Variants in CAPZB observed in about 807,000 individuals in gnomAD.
The protein encoded by CAPZB is F-actin-capping protein subunit beta.
CAPZB carries 2 observed loss-of-function variants against 38.1 expected under a neutral mutation model. The ratio of observed to expected loss-of-function variants is 0.05; its 90% CI spans 0.02 to 0.17. The LOEUF is 0.17. Among genes scored for constraint, CAPZB ranks in the 10% least tolerant of loss-of-function variants. The pLI is 1.00. For synonymous variants in CAPZB, 107 were observed against 127.4 expected, an observed-to-expected ratio of 0.84 and a Z score of 1.08; for missense variants, 161 against 334.2, an observed-to-expected ratio of 0.48 and a Z score of 4.04.
intron 3 of CAPZB, 88 bp downstream of exon 3, chr1:19,385,417 G>A: frequency 1.3e-6 from 2 of 1,531,984 alleles, no homozygotes; most frequent in South Asian, 1.1e-5. Flanking sequence ...AGCTGCCCAA[G>A]TCCAAGGTCC....
intron 2 of CAPZB, among the ~76,000 whole-genome samples, chr1:19,386,961 T>C (rs1018053747): frequency 2.6e-5 from 4 of 152,242 alleles, no homozygotes; most frequent in African/African-American, 9.6e-5. Flanking sequence ...TCTTTCTCCA[T>C]GTGTATCTGC....
intron 2 of CAPZB, among the ~76,000 whole-genome samples, chr1:19,417,387 G>A (rs1424778313): frequency 6.6e-6 from 1 of 152,198 alleles, no homozygotes; most frequent in African/African-American, 2.4e-5. Context: ...TTCATGCTGA[G>A]TTTAGAGGAA....
chr1:19,465,220 A>C (rs1273360541), intron 1 of CAPZB, among the ~76,000 whole-genome samples: 2 of 152,158 alleles, frequency 1.3e-5, no homozygotes, highest in Non-Finnish European at 2.9e-5. Context: ...TGCCAGAGTT[A>C]AGAGGTGAGG....
Position 19,357,310 on chromosome 1 carries a change from G to T in CAPZB, c.471+112C>A. ...CTTTGAGGCATTTCTCAGAATTAGG[G>T]GTTCAGAGATCACAGCATCCCCCTA... On this transcript the variant is annotated intron_variant, in intron 5 of 8. Coordinates refer to ENST00000264202, the MANE Select transcript of CAPZB (RefSeq NM_004930.5). This position sits in a 1 kb window ranked among gnomAD's most constrained non-coding sequence, Gnocchi z 4.3. The T allele has an allele frequency of 1.1e-6, 1 of 930,846 alleles. No homozygotes were observed. Among genetic ancestry groups the T allele is most frequent in the South Asian group, 1.6e-5 (1 of 62,294 alleles). The allele number at this position is 930,846 out of a possible 1,614,324, so 57.7% of individuals were successfully genotyped here. A position where few individuals can be genotyped will look rare whatever the true frequency, so the allele number is the denominator to read the frequency against.
chr1:19,342,712 G>C (rs780498838), intron 8 of CAPZB: 2 of 1,338,236 alleles, frequency 1.5e-6, no homozygotes, highest in Non-Finnish European at 2.1e-6. Context: ...GGTGAGTCCT[G>C]TTTTAGTGGG....
At chr1:19,434,017 T>C (rs1211176576) in intron 1 of CAPZB, among the ~76,000 whole-genome samples, 1 of 152,214 alleles carries the variant, frequency 6.6e-6, no homozygotes, top group African/African-American at 2.4e-5. Flanking sequence ...AAATGTACAA[T>C]GCAACACTCT....
intron 2 of CAPZB, among the ~76,000 whole-genome samples, chr1:19,391,365 T>C (rs1403034919): frequency 6.6e-6 from 1 of 152,176 alleles, no homozygotes; most frequent in East Asian, 1.9e-4. Context: ...TTTTAAAAAA[T>C]GGCCAAATGA....
chr1:19,425,860 A>G (rs1278171949), intron 1 of CAPZB, among the ~76,000 whole-genome samples: 1 of 152,218 alleles, frequency 6.6e-6, no homozygotes, highest in East Asian at 1.9e-4. Flanking sequence ...GTGAGATGTA[A>G]CCAGTACCTA....
At chr1:19,346,956 T>A (rs1176440304) in intron 6 of CAPZB, among the ~76,000 whole-genome samples, 1 of 151,608 alleles carries the variant, frequency 6.6e-6, no homozygotes, top group Non-Finnish European at 1.5e-5. Context: ...CCCCAGTAGC[T>A]GGGATTACAG....
chr1:19,341,551 CGGCCAA>C (rs2093928943), intron 8 of CAPZB, among the ~76,000 whole-genome samples: 1 of 152,174 alleles, frequency 6.6e-6, no homozygotes, highest in African/African-American at 2.4e-5. Flanking sequence ...GGGAAGGTCA[CGGCCAA>C]GCAACCTCGA....
chr1:19,453,858 A>T (rs1354645701), intron 1 of CAPZB, among the ~76,000 whole-genome samples: 1 of 152,232 alleles, frequency 6.6e-6, no homozygotes, highest in Non-Finnish European at 1.5e-5. Flanking sequence ...AGGCAGTGAA[A>T]TGCACATTAG....
chr1:19,344,095 G>A (rs1171804663), intron 8 of CAPZB, among the ~76,000 whole-genome samples: 1 of 152,194 alleles, frequency 6.6e-6, no homozygotes, highest in East Asian at 1.9e-4. Context: ...GAGGCTCCGG[G>A]GGCAAGGGCA....
chr1:19,367,549 G>T, intron 4 of CAPZB, among the ~76,000 whole-genome samples: 1 of 152,194 alleles, frequency 6.6e-6, no homozygotes, highest in Non-Finnish European at 1.5e-5. Flanking sequence ...AGCTGATGCT[G>T]AAACTCAACC....
At chr1:19,360,616 A>C (rs2094047772) in intron 4 of CAPZB, among the ~76,000 whole-genome samples, 1 of 152,214 alleles carries the variant, frequency 6.6e-6, no homozygotes, top group African/African-American at 2.4e-5. Context: ...GTTCAAAAGC[A>C]CCAGGTGGCC....
chr1:19,450,840 C>T (rs2100695157), intron 1 of CAPZB, among the ~76,000 whole-genome samples: 1 of 152,214 alleles, frequency 6.6e-6, no homozygotes, highest in East Asian at 1.9e-4. Flanking sequence ...ACACATATAC[C>T]ACATTTGTTT....
At chr1:19,391,402 T>C (rs2094233936) in intron 2 of CAPZB, among the ~76,000 whole-genome samples, 1 of 152,190 alleles carries the variant, frequency 6.6e-6, no homozygotes, top group African/African-American at 2.4e-5. Flanking sequence ...GATCTGCCTG[T>C]TGGCCGAGAG....
chr1:19,473,820 C>T lies in CAPZB; in HGVS notation c.3+11616G>A, dbSNP rs182158576. On this transcript the variant is annotated intron_variant, in intron 1 of 8. Coordinates refer to ENST00000264202, the MANE Select transcript of CAPZB (RefSeq NM_004930.5). Reference sequence around the variant, plus strand: ...CGGAAGTTGCAGTGAGCTGAGACCACGCCATTGCACTCCAGCCTAGGCAAA... The same window carrying T: ...CGGAAGTTGCAGTGAGCTGAGACCATGCCATTGCACTCCAGCCTAGGCAAA... 3.9e-3 allele frequency among the ~76,000 whole-genome samples: 591 copies of T among 152,134 alleles called. 2 individuals are homozygous for T. Among genetic ancestry groups the T allele is most frequent in the African/African-American group, 6.2e-3 (256 of 41,508 alleles).
In CAPZB at chr1:19,357,341, T is replaced by G; in HGVS notation, c.471+81A>C. 1 of 1,285,326 alleles carries G rather than the reference T, an allele frequency of 7.8e-7. No individual in the cohort carries two copies. 79.6% of individuals were successfully genotyped at this position (1,285,326 alleles called of 1,614,324 possible). ...GAGATCACAGCATCCCCCTACTGCA[T>G]CTGTTAGAGAGCAGCGCGGCACTGG... On this transcript the variant is annotated intron_variant, in intron 5 of 8. Transcript: ENST00000264202. The surrounding 1 kb of genome is among the most constrained non-coding windows in gnomAD (Gnocchi z 4.3).
At chr1:19,437,544 C>T (rs1291414093) in intron 1 of CAPZB, among the ~76,000 whole-genome samples, 1 of 152,148 alleles carries the variant, frequency 6.6e-6, no homozygotes, top group Non-Finnish European at 1.5e-5. Context: ...GTCCGCTAGC[C>T]TCGAAAGCCT....
Sources: gnomAD v4.1 joint callset for allele counts (sites outside exome capture counted in the v4.1 genomes callset) on GRCh38, gnomAD v4.1.1 for gene constraint, Gnocchi (gnomAD v3.1) non-coding constraint, MANE v1.5 for transcripts, NCBI Gene and HGNC (gene_info 2026-07-23, HGNC 2026-07-21) for gene names.